MED13: variants seen among roughly 807,000 people sequenced by gnomAD.
The protein encoded by MED13 is mediator of RNA polymerase II transcription subunit 13.
MED13 carries 23 observed loss-of-function variants against 225.2 expected under a neutral mutation model. The observed-to-expected ratio is 0.10, with a 90% CI of 0.07 to 0.14. The LOEUF (loss-of-function observed/expected upper bound fraction) is 0.14, where lower values mean the gene tolerates loss of function less well. MED13 is among the 10% of genes least tolerant of loss of function. MED13 has a pLI of 1.00. For missense variants in MED13, 2,197 were observed against 2,594.5 expected (o/e 0.85, Z 3.33); for synonymous variants, 942 against 889.2 (o/e 1.06, Z -1.06).
chr17:61,978,567 A>G (rs1041477547), intron 16 of MED13, among the ~76,000 whole-genome samples: 1 of 152,102 alleles, frequency 6.6e-6, no homozygotes, highest in African/African-American at 2.4e-5. Flanking sequence ...TTCTCTCAAT[A>G]CCCTGTAAAG....
At chr17:62,052,785 A>G (rs2080967402) in intron 2 of MED13, 80 bp from the exon 3 acceptor site, 1 of 1,026,672 alleles carries the variant, frequency 9.7e-7, no homozygotes, top group Admixed American at 2.8e-5. Flanking sequence ...TACAGTTTAA[A>G]CTCTATATTC....
intron 3 of MED13, 73 bp from the exon 4 acceptor site, chr17:62,035,681 G>T: frequency 6.9e-7 from 1 of 1,442,678 alleles, no homozygotes; most frequent in African/African-American, 1.4e-5. Flanking sequence ...TTCTTTATTA[G>T]GAAGTATGCA....
At chr17:61,968,446 C>A (rs1174638276) in intron 17 of MED13, among the ~76,000 whole-genome samples, 188 bp from the exon 18 acceptor site, 1 of 152,212 alleles carries the variant, frequency 6.6e-6, no homozygotes, top group Admixed American at 6.5e-5. Context: ...CTGCCTCAGC[C>A]TCCTGAGTAG....
chr17:61,976,849 G>A (rs1049615708), intron 16 of MED13, among the ~76,000 whole-genome samples: 24 of 152,068 alleles, frequency 1.6e-4, no homozygotes, highest in African/African-American at 3.9e-4. Context: ...GGAGAATGGC[G>A]TGATCCCGGT....
chr17:62,021,722 T>C (rs1157896879), intron 8 of MED13, among the ~76,000 whole-genome samples: 1 of 152,208 alleles, frequency 6.6e-6, no homozygotes, highest in Non-Finnish European at 1.5e-5. Context: ...AAAACCAACA[T>C]TTTCTATATG....
At chr17:61,970,860 A>G (rs2080102267) in intron 17 of MED13, among the ~76,000 whole-genome samples, 1 of 151,388 alleles carries the variant, frequency 6.6e-6, no homozygotes. Context: ...CCTCATCTCT[A>G]CAAAATATAC....
At chr17:62,012,889 T>G (rs1053828448) in intron 8 of MED13, among the ~76,000 whole-genome samples, 5 of 151,292 alleles carry the variant, frequency 3.3e-5, no homozygotes, top group African/African-American at 1.2e-4. Context: ...GCCTCCCAGG[T>G]TCAAGCAGTT....
At chr17:62,062,740 C>G (rs1377116269) in intron 2 of MED13, among the ~76,000 whole-genome samples, 1 of 152,080 alleles carries the variant, frequency 6.6e-6, no homozygotes. Flanking sequence ...TAAACTATTA[C>G]ACGACTTTGT....
In MED13 at chr17:61,955,719, C is replaced by A. The variant is rs1186612777; in HGVS notation, c.5743G>T (p.Val1915Leu). 1 of 1,610,024 alleles carries A rather than the reference C, an allele frequency of 6.2e-7. No homozygotes were observed. Among genetic ancestry groups the A allele is most frequent in the Non-Finnish European group, 8.5e-7 (1 of 1,178,858 alleles). Residue 1915 changes from valine (V) to leucine (L), a missense_variant, in exon 25 of 30, where the codon GTG becomes TTG. Around this residue, in one of 12 missense-constraint regions of MED13, gnomAD observed 216 missense variants for 388.9 expected, o/e 0.56. Coordinates refer to ENST00000397786, the MANE Select transcript of MED13 (RefSeq NM_005121.3). ...DSPSILSACL[V>L]AMEPQGSFVI... ...AAAGAGCCTTGCGGCTCCATTGCCA[C>A]CAAGCAAGCACTGAGAATGCTAGGG...
At chr17:62,064,833 C>A (rs561843523) in intron 1 of MED13, among the ~76,000 whole-genome samples, 10 of 152,272 alleles carry the variant, frequency 6.6e-5, no homozygotes, top group Admixed American at 3.9e-4. Context: ...AACAGTTAAG[C>A]AAGACAAGAG....
intron 26 of MED13, among the ~76,000 whole-genome samples, chr17:61,954,684 C>T (rs1357360828): frequency 1.3e-5 from 2 of 152,050 alleles, no homozygotes; most frequent in Non-Finnish European, 2.9e-5. Flanking sequence ...AGCTGAGGCA[C>T]GAGCATCGCT....
intron 20 of MED13, 55 bp from the exon 21 acceptor site, chr17:61,963,026 G>T: frequency 6.8e-7 from 1 of 1,468,500 alleles, no homozygotes. Context: ...GCTTGGGGTA[G>T]CATCTAAGCA....
intron 9 of MED13, among the ~76,000 whole-genome samples, chr17:61,997,721 G>A (rs1297011631): frequency 1.3e-5 from 2 of 152,082 alleles, no homozygotes; most frequent in African/African-American, 4.8e-5. Flanking sequence ...AGGGAATAAA[G>A]TATAAGAAAT....
In MED13 at chr17:61,972,716, A is replaced by C; in HGVS notation, c.3967+11T>G. 6.3e-7 allele frequency: 1 copy of C among 1,597,490 alleles called. No homozygotes were observed. The highest frequency in any genetic ancestry group is 8.5e-7 in the Non-Finnish European group (1 of 1,174,614). ...AAAATTAGTCATTATATATCACTAT[A>C]AATTACTTACCATAAGAGCCTCGGC... is the stretch of plus-strand genomic sequence containing the variant. On this transcript the variant is annotated intron_variant, in intron 17 of 29. Transcript: ENST00000397786.
intron 26 of MED13, among the ~76,000 whole-genome samples, chr17:61,953,764 G>A (rs182416660): frequency 5.9e-5 from 9 of 152,300 alleles, no homozygotes; most frequent in Admixed American, 2.6e-4. Flanking sequence ...GCAGCAATAG[G>A]AAACTAATAC....
At chr17:62,011,375 G>A (rs1193279015) in intron 8 of MED13, 142 bp from the exon 9 acceptor site, 3 of 782,028 alleles carry the variant, frequency 3.8e-6, no homozygotes, top group Admixed American at 3.6e-5. Context: ...AATTTGAAAG[G>A]GGAAAAAAAT....
At chr17:62,044,374 C>G (rs2080880861) in intron 3 of MED13, among the ~76,000 whole-genome samples, 2 of 152,106 alleles carry the variant, frequency 1.3e-5, no homozygotes, top group Admixed American at 1.3e-4. Context: ...CTACACTGCC[C>G]AATACAATGG....
At chr17:62,041,983 A>G (rs2080856625) in intron 3 of MED13, among the ~76,000 whole-genome samples, 1 of 152,210 alleles carries the variant, frequency 6.6e-6, no homozygotes, top group South Asian at 2.1e-4. Flanking sequence ...CAAAGCCCAG[A>G]TTACAGTCCC....
At chr17:61,977,496 G>T (rs1000745875) in intron 16 of MED13, among the ~76,000 whole-genome samples, 1 of 152,172 alleles carries the variant, frequency 6.6e-6, no homozygotes, top group Non-Finnish European at 1.5e-5. Flanking sequence ...CTGTCGCCCA[G>T]GCTGGAGTGC....
Sources: allele counts gnomAD v4.1 joint callset (sites outside exome capture counted in the v4.1 genomes callset), GRCh38; gene constraint gnomAD v4.1.1; regional missense constraint gnomAD v4.1.1; transcripts MANE v1.5; gene names NCBI Gene and HGNC (gene_info 2026-07-23, HGNC 2026-07-21).